The following CEP290 variants were observed in gnomAD, a reference collection of about 807,000 sequenced individuals.
CEP290 encodes the protein centrosomal protein of 290 kDa.
A neutral mutation model predicts 344.9 loss-of-function variants in CEP290; 317 were observed. That is an observed-to-expected ratio of 0.92 (90% CI 0.84 to 1.01). The LOEUF is 1.01. Among genes scored for constraint, CEP290 ranks in the 50% least tolerant of loss-of-function variants. CEP290 has a pLI of 0.00. For missense variants in CEP290, 2,754 were observed against 2,761.4 expected (o/e 1.00, Z 0.06); for synonymous variants, 932 against 895.8 (o/e 1.04, Z -0.72).
At position 88,059,978 on chromosome 12, in the gene CEP290, T is replaced by C; in HGVS notation, c.6565A>G (p.Ser2189Gly). 1 of 1,580,988 alleles carries C rather than the reference T, an allele frequency of 6.3e-7. No homozygotes were observed. Among genetic ancestry groups the C allele is most frequent in the Non-Finnish European group, 8.6e-7 (1 of 1,164,478 alleles). ...TTGGTCTTGGATTCATAGTGCATGCTCAACTGATGCCCAAGATGAGCTTTA... is the reference window on the plus strand; with the variant it reads ...TTGGTCTTGGATTCATAGTGCATGCCCAACTGATGCCCAAGATGAGCTTTA... ...KLKAHLGHQL[S>G]MHYESKTKGT... The change falls in exon 48 of 54, where the codon AGC becomes GGC. Residue 2189 changes from serine to glycine, a missense_variant. Physicochemically the swap from Ser to Gly is moderately conservative, Grantham distance 56. Transcript: ENST00000552810.
rs1592855897 is a variant in CEP290, at chr12:88,089,200, G to A, written c.3861C>T (p.Ser1287=). The change falls in exon 31 of 54, where the codon TCC becomes TCT. Residue 1287 remains serine (S), a synonymous_variant. Coordinates refer to ENST00000552810, the MANE Select transcript of CEP290 (RefSeq NM_025114.4). The part of the protein sequence containing the change: ...ALPLAQQEKF[S]KTMIQLQNDK... The stretch of plus-strand genomic sequence containing the variant: ...CATTTTGTAGTTGAATCATTGTTTT[G>A]GAGAACTTTTCCTGTTGTGCCAAGG... 1 of 1,612,430 alleles carries A rather than the reference G, an allele frequency of 6.2e-7. No homozygotes were observed. Among genetic ancestry groups the A allele is most frequent in the Non-Finnish European group, 8.5e-7 (1 of 1,179,072 alleles).
intron 37 of CEP290, among the ~76,000 whole-genome samples, chr12:88,082,400 A>C (rs575014606): frequency 6.6e-6 from 1 of 152,278 alleles, no homozygotes; most frequent in Non-Finnish European, 1.5e-5. Flanking sequence ...TTTCCATTTT[A>C]AAGATGATGA....
Position 88,111,710 on chromosome 12 carries a change from G to A in CEP290, c.2201C>T (p.Ala734Val). 1 of 1,582,802 alleles carries A rather than the reference G, an allele frequency of 6.3e-7. No homozygotes were observed. Among genetic ancestry groups the A allele is most frequent in the South Asian group, 1.2e-5 (1 of 83,204 alleles). Residue 734 changes from alanine (A) to valine (V), a missense_variant, in exon 21 of 54, where the codon GCA becomes GTA. Coordinates refer to ENST00000552810, the MANE Select transcript of CEP290 (RefSeq NM_025114.4). ...AATTCTCACCTTTAAATTAGCTTTT[G>A]CCAACTGCTGTGAATAATTTATAGC... ...KEAINYSQQL[A>V]KANLKIDHLE...
intron 18 of CEP290, chr12:88,115,399 TG>T: frequency 1.1e-6 from 1 of 941,450 alleles, no homozygotes; most frequent in South Asian, 1.5e-5. Flanking sequence ...CCAACATCCA[TG>T]GTAAGAGGCA....
rs1378002033 is a variant in CEP290 at position 88,093,906 on chromosome 12, T to C, written c.3173A>G (p.Lys1058Arg). ...TTCCTTCATTTCCAGCATAGTTATT[T>C]TTTTTGAAATGGAAACAATGTCACT... ...TNSDIVSISK[K>R]ITMLEMKELN... Residue 1058 changes from lysine to arginine, a missense_variant, in exon 28 of 54, where the codon AAA becomes AGA. Transcript: ENST00000552810. The C allele has an allele frequency of 6.2e-7, 1 of 1,612,934 alleles. No individual in the cohort carries two copies. The highest frequency in any genetic ancestry group is 1.7e-5 in the Admixed American group (1 of 59,960).
chr12:88,120,512 A>G (rs2039337072), intron 14 of CEP290, among the ~76,000 whole-genome samples: 1 of 152,182 alleles, frequency 6.6e-6, no homozygotes, highest in Admixed American at 6.5e-5. Flanking sequence ...GACTCTGAAT[A>G]TGCATTACAT....
At chr12:88,139,112 C>A (rs760155297) in intron 5 of CEP290, 33 bp downstream of exon 5, 5 of 1,089,772 alleles carry the variant, frequency 4.6e-6, no homozygotes, top group Non-Finnish European at 6.8e-6. Flanking sequence ...AAATTAATGA[C>A]AATTACATCC....
At chr12:88,058,741 C>G (rs550645462) in intron 49 of CEP290, 107 bp downstream of exon 49, 1 of 1,059,306 alleles carries the variant, frequency 9.4e-7, no homozygotes, top group East Asian at 2.5e-5. Flanking sequence ...ACCAAACAAA[C>G]TGTTCATCAG....
chr12:88,132,631 T>C (rs2040142578), intron 6 of CEP290, among the ~76,000 whole-genome samples: 1 of 152,166 alleles, frequency 6.6e-6, no homozygotes, highest in Admixed American at 6.5e-5. Flanking sequence ...GAAATACATG[T>C]GTGTGTAAAA....
At chr12:88,051,129 TAA>T (rs1489214515) in intron 52 of CEP290, among the ~76,000 whole-genome samples, 2 of 151,128 alleles carry the variant, frequency 1.3e-5, no homozygotes, top group African/African-American at 4.9e-5. Flanking sequence ...CATTGAAAAA[TAA>T]TAAAATACTA....
rs866917306 is a variant in CEP290, at chr12:88,141,209, G to A, written c.99C>T (p.Ser33=). The A allele has an allele frequency of 2.5e-6, 4 of 1,604,940 alleles. No individual in the cohort carries two copies. In the African/African-American group the frequency reaches 4.0e-5, roughly 16 times the overall value. The part of the protein sequence containing the change: ...ELADNLLISL[S]KVEVNELKSE... ...TTATTATTGACCAATTAAGCACCTT[G>A]GATAAGGAAATCAATAAATTATCTG... Residue 33 remains serine, a synonymous_variant, in exon 2 of 54, where the codon TCC becomes TCT. Coordinates refer to ENST00000552810, the MANE Select transcript of CEP290 (RefSeq NM_025114.4).
At position 88,125,297 on chromosome 12, in the gene CEP290, T is replaced by C; in HGVS notation, c.1138A>G (p.Lys380Glu). The C allele has an allele frequency of 9.3e-6, 11 of 1,177,686 alleles. No individual in the cohort carries two copies. The highest frequency in any genetic ancestry group is 1.3e-5 in the Non-Finnish European group (11 of 877,452). 73.0% of individuals were successfully genotyped at this position (1,177,686 alleles called of 1,614,324 possible). Reference sequence around the variant, plus strand: ...AAATCTTCAATAATACAAGTATTCTTTTCCATTTCTTTTGTATATTGTTCT... The same window carrying C: ...AAATCTTCAATAATACAAGTATTCTCTTCCATTTCTTTTGTATATTGTTCT... The part of the protein sequence containing the change: ...QVEQYTKEME[K>E]NTCIIEDLKN... Residue 380 changes from lysine (K) to glutamate (E), a missense_variant, in exon 13 of 54, where the codon AAG (lysine) becomes GAG (glutamate). Physicochemically the swap from Lys to Glu is moderately conservative, Grantham distance 56 (BLOSUM62 1). Transcript: ENST00000552810.
chr12:88,133,071 G>A (rs369306033), intron 6 of CEP290, among the ~76,000 whole-genome samples: 17 of 147,112 alleles, frequency 1.2e-4, no homozygotes, highest in African/African-American at 4.0e-4. Flanking sequence ...ATCTTGTTCC[G>A]GTTTTTTTTT....
At chr12:88,112,852 T>G (rs1180513693) in intron 20 of CEP290, among the ~76,000 whole-genome samples, 1 of 152,128 alleles carries the variant, frequency 6.6e-6, no homozygotes, top group Non-Finnish European at 1.5e-5. Context: ...GTACTCTGAC[T>G]GACAACAAGG....
intron 15 of CEP290, among the ~76,000 whole-genome samples, 172 bp downstream of exon 15, chr12:88,119,942 C>G (rs1346470686): frequency 6.6e-6 from 1 of 151,934 alleles, no homozygotes; most frequent in African/African-American, 2.4e-5. Flanking sequence ...CCCATAAAAT[C>G]TGATTCCACT....
chr12:88,132,498 T>C (rs2040133322), intron 6 of CEP290, among the ~76,000 whole-genome samples: 1 of 152,226 alleles, frequency 6.6e-6, no homozygotes, highest in South Asian at 2.1e-4. Flanking sequence ...ATTGTGTTCA[T>C]TGTAGGAGAA....
rs2034234408 is a variant in CEP290, at chr12:88,058,896, T to C, written c.6770A>G (p.Gln2257Arg). The C allele has an allele frequency of 1.9e-6, 3 of 1,614,008 alleles. No individual in the cohort carries two copies. Among genetic ancestry groups the C allele is most frequent in the Non-Finnish European group, 2.5e-6 (3 of 1,179,880 alleles). Residue 2257 changes from glutamine (Q) to arginine (R), a missense_variant, in exon 49 of 54, where the codon CAG becomes CGG. Transcript: ENST00000552810. ...RLQFAESRGP[Q>R]LEGADSKSWK... Reference sequence around the variant, plus strand: ...GCTCTTACTGTCAGCACCTTCAAGCTGTGGACCTCTGCTTTCTGCAAACTG... The same window carrying C: ...GCTCTTACTGTCAGCACCTTCAAGCCGTGGACCTCTGCTTTCTGCAAACTG...
Position 88,049,165 on chromosome 12 carries a change from CAA to C in CEP290, c.*17_*18del, listed in dbSNP as rs767019869. The stretch of plus-strand genomic sequence containing the variant: ...AAAGTTAATAAATAGTTAAATGAAA[CAA>C]AGTTTATAGGTGACCTTTAGTAAAT... On this transcript the variant is annotated 3_prime_UTR_variant, in exon 54 of 54. Transcript: ENST00000552810. The C allele has an allele frequency of 1.4e-6, 2 of 1,416,660 alleles. No individual in the cohort carries two copies. The highest frequency in any genetic ancestry group is 1.3e-5 in the South Asian group (1 of 76,930). The allele number at this position is 1,416,660 out of a possible 1,614,324, so 87.8% of individuals were successfully genotyped here. A position where few individuals can be genotyped will look rare whatever the true frequency, so the allele number is the denominator to read the frequency against.
At chr12:88,123,581 T>C (rs1435693978) in intron 13 of CEP290, among the ~76,000 whole-genome samples, 1 of 152,096 alleles carries the variant, frequency 6.6e-6, no homozygotes, top group Non-Finnish European at 1.5e-5. Flanking sequence ...GCTTTCCTTT[T>C]CAGTCTCCTT....
Sources: gnomAD v4.1 joint callset for allele counts (sites outside exome capture counted in the v4.1 genomes callset) on GRCh38, gnomAD v4.1.1 for gene constraint, MANE v1.5 for transcripts, NCBI Gene and HGNC (gene_info 2026-07-23, HGNC 2026-07-21) for gene names.